SHISA6: variants seen among roughly 807,000 people sequenced by gnomAD.
SHISA6 encodes shisa family member 6.
In SHISA6, 22 loss-of-function variants were observed where a neutral mutation model predicts 47.9. The ratio of observed to expected loss-of-function variants is 0.46; its 90% CI spans 0.33 to 0.66. The LOEUF (loss-of-function observed/expected upper bound fraction) is 0.66. Ranked by LOEUF, SHISA6 falls within the 30% of genes least tolerant of loss-of-function variation. The pLI, the probability that SHISA6 is intolerant of heterozygous loss-of-function variation, is 0.02. For synonymous variants in SHISA6, 388 were observed against 337.8 expected (o/e 1.15, Z -1.63); for missense variants, 680 against 764.6 (o/e 0.89, Z 1.30).
chr17:11,451,755 A>G (rs938552404), intron 3 of SHISA6, among the ~76,000 whole-genome samples: 1 of 152,204 alleles, frequency 6.6e-6, no homozygotes, highest in Non-Finnish European at 1.5e-5. Flanking sequence ...GAGGCACAAT[A>G]TAAGAAAGAC....
At chr17:11,515,136 A>T (rs1018868794) in intron 3 of SHISA6, among the ~76,000 whole-genome samples, 26 of 151,854 alleles carry the variant, frequency 1.7e-4, no homozygotes, top group African/African-American at 5.3e-4. Context: ...TCAGTGTGTC[A>T]TTGGGAAGGA....
intron 3 of SHISA6, among the ~76,000 whole-genome samples, chr17:11,432,531 T>A (rs781011825): frequency 2.0e-5 from 3 of 152,194 alleles, no homozygotes; most frequent in Non-Finnish European, 2.9e-5. Flanking sequence ...TTACAGTTAT[T>A]TAGCTTCAAG....
At chr17:11,340,431 C>G (rs969775748) in intron 2 of SHISA6, among the ~76,000 whole-genome samples, 1 of 152,150 alleles carries the variant, frequency 6.6e-6, no homozygotes, top group Non-Finnish European at 1.5e-5. Context: ...GCAGGCTAGG[C>G]TAAGCTTCCT....
At chr17:11,419,061 T>C (rs888894029) in intron 3 of SHISA6, among the ~76,000 whole-genome samples, 1 of 151,620 alleles carries the variant, frequency 6.6e-6, no homozygotes, top group Non-Finnish European at 1.5e-5. Context: ...CTGGGGACTG[T>C]TGTGGGGTGG....
At chr17:11,255,538 G>C (rs530961410) in intron 1 of SHISA6, among the ~76,000 whole-genome samples, 91 of 152,314 alleles carry the variant, frequency 6.0e-4, no homozygotes, top group African/African-American at 2.1e-3. Flanking sequence ...CTTCTTTGCA[G>C]GCTAGTGGAA....
intron 3 of SHISA6, among the ~76,000 whole-genome samples, chr17:11,487,536 G>A (rs1916383390): frequency 6.6e-6 from 1 of 152,158 alleles, no homozygotes; most frequent in Non-Finnish European, 1.5e-5. Context: ...CATCCTGAAA[G>A]CATGAAAAAC....
At chr17:11,474,114 G>A (rs1286891640) in intron 3 of SHISA6, among the ~76,000 whole-genome samples, 2 of 151,984 alleles carry the variant, frequency 1.3e-5, no homozygotes, top group African/African-American at 2.4e-5. Flanking sequence ...TGGCTGCATA[G>A]TATTCCATGA....
intron 2 of SHISA6, among the ~76,000 whole-genome samples, chr17:11,353,634 A>G (rs903200662): frequency 1.3e-5 from 2 of 152,132 alleles, no homozygotes. Context: ...CCCTGGGAAC[A>G]GGTCTGCCCG....
chr17:11,493,588 C>T (rs1189049494), intron 3 of SHISA6, among the ~76,000 whole-genome samples: 1 of 152,196 alleles, frequency 6.6e-6, no homozygotes, highest in Non-Finnish European at 1.5e-5. Context: ...CGCGCACACA[C>T]ACACACACAT....
chr17:11,294,917 A>G (rs1909691178), intron 2 of SHISA6, among the ~76,000 whole-genome samples: 1 of 152,222 alleles, frequency 6.6e-6, no homozygotes, highest in African/African-American at 2.4e-5. Flanking sequence ...CTGACTTGCC[A>G]GTATCGCTAC....
chr17:11,270,249 CA>C (rs1908589607), intron 2 of SHISA6, among the ~76,000 whole-genome samples: 1 of 152,262 alleles, frequency 6.6e-6, no homozygotes, highest in Non-Finnish European at 1.5e-5. Flanking sequence ...GCTGGGATTA[CA>C]GGCGTGAGCC....
intron 3 of SHISA6, among the ~76,000 whole-genome samples, chr17:11,431,804 CAAAACA>C (rs1347767739): frequency 3.3e-5 from 5 of 152,130 alleles, no homozygotes; most frequent in Admixed American, 3.3e-4. Context: ...ACAACAAAAA[CAAAACA>C]AAAACAAAAA....
intron 3 of SHISA6, among the ~76,000 whole-genome samples, chr17:11,425,136 T>G (rs1224268563): frequency 6.6e-6 from 1 of 152,184 alleles, no homozygotes; most frequent in Admixed American, 6.5e-5. Flanking sequence ...ATAAAAATTT[T>G]TAAAGAAATA....
At chr17:11,475,463 A>G (rs898964614) in intron 3 of SHISA6, among the ~76,000 whole-genome samples, 2 of 152,102 alleles carry the variant, frequency 1.3e-5, no homozygotes, top group African/African-American at 4.8e-5. Flanking sequence ...TTCTATTCCT[A>G]GTTTAGTGAG....
At chr17:11,549,991 A>G (rs1221234780) in intron 3 of SHISA6, among the ~76,000 whole-genome samples, 1 of 152,166 alleles carries the variant, frequency 6.6e-6, no homozygotes, top group African/African-American at 2.4e-5. Flanking sequence ...GCGAAGGGAC[A>G]GTATCTTCAT....
Position 11,323,514 on chromosome 17 carries a change from C to T in SHISA6, c.800-55900C>T, listed in dbSNP as rs370506111. ...TACTAAAAATACAAAATTAACCGGACGTGGTGGCGCATGCCTGTAATCCCA... is the reference window on the plus strand; with the variant it reads ...TACTAAAAATACAAAATTAACCGGATGTGGTGGCGCATGCCTGTAATCCCA... On this transcript the variant is annotated intron_variant, in intron 2 of 5. Transcript: ENST00000441885. Among the ~76,000 whole-genome samples, 8 of 151,952 alleles carry T rather than the reference C, an allele frequency of 5.3e-5. No homozygotes were observed. In the East Asian group the frequency reaches 7.8e-4, roughly 15 times the overall value.
chr17:11,538,476 G>A (rs1196414689), intron 3 of SHISA6, among the ~76,000 whole-genome samples: 1 of 152,182 alleles, frequency 6.6e-6, no homozygotes, highest in Non-Finnish European at 1.5e-5. Flanking sequence ...GGGTTTTGGG[G>A]ACAGCAGAAG....
intron 2 of SHISA6, among the ~76,000 whole-genome samples, chr17:11,271,431 TTTTA>T (rs1004324465): frequency 2.0e-5 from 3 of 151,898 alleles, no homozygotes; most frequent in Admixed American, 6.6e-5. Context: ...CCAAGTTCCA[TTTTA>T]TTTATTTATT....
At chr17:11,526,113 C>CCCT (rs1387731841) in intron 3 of SHISA6, among the ~76,000 whole-genome samples, 3 of 151,830 alleles carry the variant, frequency 2.0e-5, no homozygotes, top group Admixed American at 2.0e-4. Flanking sequence ...CAAGGGGACC[C>CCCT]CCCCCCGCTC....
Sources: gnomAD v4.1 joint callset for allele counts (sites outside exome capture counted in the v4.1 genomes callset) on GRCh38, gnomAD v4.1.1 for gene constraint, MANE v1.5 for transcripts, NCBI Gene and HGNC (gene_info 2026-07-23, HGNC 2026-07-21) for gene names.